SLC16A12: variants seen among roughly 807,000 people sequenced by gnomAD.
SLC16A12 encodes monocarboxylate transporter 12.
SLC16A12 carries 17 observed loss-of-function variants against 42.4 expected under a neutral mutation model. That is an observed-to-expected ratio of 0.40 (90% confidence interval 0.27 to 0.60). The LOEUF (loss-of-function observed/expected upper bound fraction) is 0.60. SLC16A12 is among the 20% of genes least tolerant of loss of function. The probability of loss-of-function intolerance (pLI) is 0.42; values close to 1 mark genes in which losing one functional copy is unlikely to be tolerated. For synonymous variants in SLC16A12, 224 were observed against 229.4 expected (o/e 0.98, Z 0.21); for missense variants, 544 against 623.0 (o/e 0.87, Z 1.35).
intron 2 of SLC16A12, among the ~76,000 whole-genome samples, chr10:89,552,519 G>A (rs1349226872): frequency 2.6e-5 from 4 of 152,172 alleles, no homozygotes; most frequent in Non-Finnish European, 5.9e-5. Flanking sequence ...CATGAATTGA[G>A]GTGGACGTGT....
At chr10:89,556,024 A>G (rs769810025) in intron 1 of SLC16A12, 24 of 152,008 alleles carry the variant, frequency 1.6e-4, no homozygotes, top group Non-Finnish European at 2.8e-4. Context: ...TAAATTATCA[A>G]ACACAGAATT....
intron 2 of SLC16A12, among the ~76,000 whole-genome samples, chr10:89,555,133 C>G (rs184524403): frequency 6.6e-6 from 1 of 151,814 alleles, no homozygotes; most frequent in African/African-American, 2.4e-5. Flanking sequence ...AAGGGCCCAT[C>G]GTGATTAACA....
chr10:89,529,737 G>A (rs1462235338), intron 2 of SLC16A12, among the ~76,000 whole-genome samples: 2 of 151,944 alleles, frequency 1.3e-5, no homozygotes, highest in Non-Finnish European at 2.9e-5. Context: ...TAGTAGAGAC[G>A]GGGTTTCGCC....
intron 2 of SLC16A12, among the ~76,000 whole-genome samples, chr10:89,469,503 A>G (rs116861378): frequency 0.017 from 2,551 of 152,346 alleles, 25 homozygotes; most frequent in Middle Eastern, 0.024. Flanking sequence ...AATTTCTTAT[A>G]GTCAGTAAGC....
intron 2 of SLC16A12, among the ~76,000 whole-genome samples, chr10:89,531,955 G>A (rs1267738767): frequency 2.0e-5 from 3 of 152,008 alleles, no homozygotes; most frequent in Admixed American, 6.6e-5. Context: ...AGTTTGAATC[G>A]GTATGATAGC....
chr10:89,455,776 T>C (rs1360169203), intron 3 of SLC16A12, among the ~76,000 whole-genome samples: 1 of 152,236 alleles, frequency 6.6e-6, no homozygotes, highest in Non-Finnish European at 1.5e-5. Context: ...AACTGAGGTT[T>C]TTGATAAAGC....
rs879461349 is a variant in SLC16A12, at chr10:89,481,676, A to T, written c.-46-19052T>A. Reference sequence around the variant, plus strand: ...GTGTGTGTGTGTGTGAGAGAGAGAGAGAGTGTGTGTGTGTGTGTGTGTGTG... The same window carrying T: ...GTGTGTGTGTGTGTGAGAGAGAGAGTGAGTGTGTGTGTGTGTGTGTGTGTG... On this transcript the variant is annotated intron_variant, in intron 2 of 7. Transcript: ENST00000371790. Among the ~76,000 whole-genome samples, 982 of 147,728 alleles carry T rather than the reference A, an allele frequency of 6.6e-3. 11 individuals carry two copies. The highest frequency in any genetic ancestry group is 0.023 in the African/African-American group (914 of 40,138).
intron 2 of SLC16A12, among the ~76,000 whole-genome samples, chr10:89,533,117 A>C (rs1022833291): frequency 6.6e-6 from 1 of 152,132 alleles, no homozygotes; most frequent in Non-Finnish European, 1.5e-5. Context: ...CATAAAAGTC[A>C]AAGTAACTTC....
At chr10:89,466,584 C>T (rs755082789) in intron 2 of SLC16A12, among the ~76,000 whole-genome samples, 14 of 152,178 alleles carry the variant, frequency 9.2e-5, no homozygotes, top group Non-Finnish European at 1.6e-4. Context: ...TAAATGTTTA[C>T]ATTAGTTGGC....
chr10:89,449,904 A>G (rs1378190437), intron 3 of SLC16A12, among the ~76,000 whole-genome samples: 1 of 152,218 alleles, frequency 6.6e-6, no homozygotes, highest in African/African-American at 2.4e-5. Context: ...ACTTCAACAA[A>G]TTTACAAGAA....
At chr10:89,461,540 G>C (rs781720622) in intron 3 of SLC16A12, among the ~76,000 whole-genome samples, 1 of 152,000 alleles carries the variant, frequency 6.6e-6, no homozygotes, top group Non-Finnish European at 1.5e-5. Context: ...CTTGTCACCT[G>C]GTACCCCTTT....
intron 2 of SLC16A12, among the ~76,000 whole-genome samples, chr10:89,491,913 C>T (rs371496293): frequency 6.6e-6 from 1 of 151,974 alleles, no homozygotes; most frequent in Non-Finnish European, 1.5e-5. Context: ...CTTCACCATA[C>T]CACATACACA....
chr10:89,506,454 A>G (rs2133830366), intron 2 of SLC16A12, among the ~76,000 whole-genome samples: 1 of 152,312 alleles, frequency 6.6e-6, no homozygotes, highest in African/African-American at 2.4e-5. Context: ...GACCTCCAAG[A>G]AACTCCAAAA....
chr10:89,445,181 T>A (rs1841979783), intron 3 of SLC16A12, among the ~76,000 whole-genome samples: 1 of 152,220 alleles, frequency 6.6e-6, no homozygotes, highest in African/African-American at 2.4e-5. Context: ...GAGCAGAAAC[T>A]TCTGCAGACT....
intron 2 of SLC16A12, among the ~76,000 whole-genome samples, chr10:89,553,780 G>C (rs191064247): frequency 6.6e-6 from 1 of 151,938 alleles, no homozygotes; most frequent in Non-Finnish European, 1.5e-5. Flanking sequence ...TGGACCAGGA[G>C]GTCAGGAGTT....
chr10:89,449,200 T>C (rs1564572121), intron 3 of SLC16A12, among the ~76,000 whole-genome samples: 1 of 152,206 alleles, frequency 6.6e-6, no homozygotes, highest in Non-Finnish European at 1.5e-5. Context: ...ATTTATAGAT[T>C]CAATGCTATT....
At chr10:89,442,916 T>C (rs1420126400) in intron 4 of SLC16A12, among the ~76,000 whole-genome samples, 1 of 152,210 alleles carries the variant, frequency 6.6e-6, no homozygotes, top group Non-Finnish European at 1.5e-5. Flanking sequence ...GATGAAAATT[T>C]CCGAAAATAC....
Position 89,438,631 on chromosome 10 carries a change from A to G in SLC16A12, c.1001T>C (p.Ile334Thr), listed in dbSNP as rs1282974031. 1.2e-6 allele frequency: 2 copies of G among 1,613,856 alleles called. No individual in the cohort carries two copies. The highest frequency in any genetic ancestry group is 1.1e-5 in the South Asian group (1 of 91,036). Residue 334 changes from isoleucine to threonine, a missense_variant, in exon 6 of 8, where the codon ATC becomes ACC. Transcript: ENST00000371790. ...ILGVIDIIGN[I>T]TFGWLTDRRC... ...TCTGTCGGTCAGCCATCCAAATGTG[A>G]TATTGCCAATAATGTCAATCACTCC... is the stretch of plus-strand genomic sequence containing the variant.
At chr10:89,448,705 G>T (rs994891929) in intron 3 of SLC16A12, among the ~76,000 whole-genome samples, 1 of 152,158 alleles carries the variant, frequency 6.6e-6, no homozygotes, top group African/African-American at 2.4e-5. Flanking sequence ...ACAAGACAGG[G>T]ACGCCCTCTC....
Sources: allele counts gnomAD v4.1 joint callset (sites outside exome capture counted in the v4.1 genomes callset), GRCh38; gene constraint gnomAD v4.1.1; transcripts MANE v1.5; gene names NCBI Gene and HGNC (gene_info 2026-07-23, HGNC 2026-07-21).